The following CDC27 variants were observed in gnomAD, a reference collection of about 807,000 sequenced individuals.
CDC27 encodes cell division cycle 27.
In CDC27, 27 loss-of-function variants were observed where a neutral mutation model predicts 109.7. The ratio of observed to expected loss-of-function variants is 0.25; its 90% confidence interval spans 0.18 to 0.34. The LOEUF is 0.34. CDC27 is among the 10% of genes least tolerant of loss of function. CDC27 has a pLI of 1.00. For missense variants in CDC27, 579 were observed against 960.2 expected (o/e 0.60, Z 5.25); for synonymous variants, 266 against 333.9 (o/e 0.80, Z 2.22).
intron 16 of CDC27, among the ~76,000 whole-genome samples, chr17:47,127,724 A>G (rs2062189389): frequency 6.6e-6 from 1 of 150,464 alleles, no homozygotes; most frequent in Non-Finnish European, 1.5e-5. Context: ...GTTTTTTAAG[A>G]CAGGGTCTAG....
chr17:47,121,865 G>A (rs1046672288), intron 18 of CDC27, among the ~76,000 whole-genome samples: 4 of 151,514 alleles, frequency 2.6e-5, no homozygotes, highest in African/African-American at 9.7e-5. Context: ...TCAGCCTCCC[G>A]AGTAGCTAGG....
intron 3 of CDC27, among the ~76,000 whole-genome samples, chr17:47,171,412 T>A (rs926359836): frequency 1.3e-5 from 2 of 152,206 alleles, no homozygotes; most frequent in African/African-American, 4.8e-5. Context: ...CATTATTCCA[T>A]CTCTTACAGT....
chr17:47,158,923 T>C (rs895801891), intron 4 of CDC27, among the ~76,000 whole-genome samples: 2 of 152,012 alleles, frequency 1.3e-5, no homozygotes, highest in Non-Finnish European at 2.9e-5. Flanking sequence ...CCTGGCCTTT[T>C]TGTATTTTCG....
At chr17:47,144,711 G>A (rs11570511) in intron 9 of CDC27, among the ~76,000 whole-genome samples, 16,461 of 152,166 alleles carry the variant, frequency 0.11, 1,315 homozygotes, top group East Asian at 0.47. Context: ...TAAACTTGTG[G>A]ACTAAACTAT....
rs146307308 is a variant in CDC27 at position 47,124,178 on chromosome 17, A to AATACACAC, written c.2161-219_2161-218insGTGTGTAT. On this transcript the variant is annotated intron_variant, in intron 16 of 18. Coordinates refer to ENST00000066544, the MANE Select transcript of CDC27 (RefSeq NM_001256.6). ...ATGGCAGGCACTCTAGTACACTGAA[A>AATACACAC]ACACACACACACACACACACACACA... Among the ~76,000 whole-genome samples the AATACACAC allele has an allele frequency of 2.8e-5, 4 of 144,392 alleles. No homozygotes were observed. In the East Asian group the frequency reaches 8.1e-4, roughly 29 times the overall value. 94.7% of individuals were successfully genotyped at this position (144,392 alleles called of 152,430 possible). A position where few individuals can be genotyped will look rare whatever the true frequency, so the allele number is the denominator to read the frequency against.
chr17:47,188,311 A>G (rs1026788400), intron 1 of CDC27, among the ~76,000 whole-genome samples: 1 of 152,096 alleles, frequency 6.6e-6, no homozygotes, highest in Non-Finnish European at 1.5e-5. Context: ...GTCAGGGGGG[A>G]AAATGACTTG....
rs2061921664 is a variant in CDC27, at chr17:47,118,497, T to G, written c.*2438A>C. The G allele has an allele frequency of 6.6e-6, 1 of 152,616 alleles. No homozygotes were observed. Among genetic ancestry groups the G allele is most frequent in the Non-Finnish European group, 1.5e-5 (1 of 68,034 alleles). The allele number at this position is 152,616 out of a possible 1,614,324, so 9.5% of individuals were successfully genotyped here. ...AAGTGTGTGCGCGTATATATATATGTATATAGATGTATTAAGTTGGTGCAA... is the reference window on the plus strand; with the variant it reads ...AAGTGTGTGCGCGTATATATATATGGATATAGATGTATTAAGTTGGTGCAA... On this transcript the variant is annotated 3_prime_UTR_variant, in exon 19 of 19. Coordinates refer to ENST00000066544, the MANE Select transcript of CDC27 (RefSeq NM_001256.6).
intron 4 of CDC27, among the ~76,000 whole-genome samples, chr17:47,160,280 T>C (rs1054083393): frequency 6.8e-6 from 1 of 146,234 alleles, no homozygotes; most frequent in Non-Finnish European, 1.5e-5. Context: ...CAGGCTGGAG[T>C]GCAGTGGCAT....
chr17:47,146,906 C>T (rs1028049924), intron 9 of CDC27, among the ~76,000 whole-genome samples: 11 of 151,652 alleles, frequency 7.3e-5, no homozygotes, highest in Middle Eastern at 3.4e-3. Flanking sequence ...CTCTGCAAAA[C>T]TAAAAAAAAA....
At chr17:47,175,205 C>T (rs2063962471) in intron 2 of CDC27, among the ~76,000 whole-genome samples, 1 of 152,120 alleles carries the variant, frequency 6.6e-6, no homozygotes, top group Admixed American at 6.5e-5. Flanking sequence ...GGGGTTTAAC[C>T]TTGCATCCTC....
intron 1 of CDC27, among the ~76,000 whole-genome samples, chr17:47,188,283 G>C (rs371071302): frequency 1.3e-5 from 2 of 152,110 alleles, no homozygotes; most frequent in South Asian, 2.1e-4. Context: ...AGGCACAAAA[G>C]ATACAGTTTC....
In CDC27 at chr17:47,141,965, T is replaced by C. The variant is rs2062807267; in HGVS notation, c.1439A>G (p.Asn480Ser). The C allele has an allele frequency of 1.9e-6, 3 of 1,608,962 alleles. No individual in the cohort carries two copies. Among genetic ancestry groups the C allele is most frequent in the Middle Eastern group, 1.7e-4 (1 of 5,894 alleles). Residue 480 changes from asparagine (N) to serine (S), a missense_variant, in exon 12 of 19, where the codon AAC becomes AGC. Physicochemically the swap from Asn to Ser is conservative, Grantham distance 46 (BLOSUM62 1). Around this residue, in one of 9 missense-constraint regions of CDC27, gnomAD observed 58 missense variants for 116.6 expected, o/e 0.50. Transcript: ENST00000066544. ...CAAAATATTTATAGCTTCTTTGCAGTTGTATGAACACAAAGCTAAATAACC... is the reference window on the plus strand; with the variant it reads ...CAAAATATTTATAGCTTCTTTGCAGCTGTATGAACACAAAGCTAAATAACC... Reference protein sequence around the residue: ...GKGYLALCSYNCKEAINILSH... With the variant: ...GKGYLALCSYSCKEAINILSH...
At chr17:47,145,277 T>C (rs1180732548) in intron 9 of CDC27, among the ~76,000 whole-genome samples, 5 of 151,822 alleles carry the variant, frequency 3.3e-5, no homozygotes, top group East Asian at 1.9e-4. Context: ...GAAAAGAAAA[T>C]GTTGAGAATT....
chr17:47,151,993 C>T, intron 8 of CDC27, 75 bp from the exon 9 acceptor site: 1 of 1,370,138 alleles, frequency 7.3e-7, no homozygotes, highest in Non-Finnish European at 9.7e-7. Flanking sequence ...CACAACGCTC[C>T]CATCTACATT....
At chr17:47,189,100 C>T (rs752416702) in intron 1 of CDC27, 46 bp downstream of exon 1, 2 of 1,603,102 alleles carry the variant, frequency 1.2e-6, no homozygotes, top group South Asian at 2.2e-5. Flanking sequence ...TGCTGCTTCC[C>T]GACCGAGGCT....
rs766117351 is a variant in CDC27, at chr17:47,154,870, AG to A, written c.843-85del. On this transcript the variant is annotated intron_variant, in intron 7 of 18. Coordinates refer to ENST00000066544, the MANE Select transcript of CDC27 (RefSeq NM_001256.6). ...GTATACTTAAATTAGAAGGTCTAAA[AG>A]GAAGAGAATGGCAAATCAGTCTTAG... 75 of 680,830 alleles carry A rather than the reference AG, an allele frequency of 1.1e-4. No homozygotes were observed. In the South Asian group the frequency reaches 1.2e-3, roughly 11 times the overall value. 42.2% of individuals were successfully genotyped at this position (680,830 alleles called of 1,614,324 possible). A position where few individuals can be genotyped will look rare whatever the true frequency, so the allele number is the denominator to read the frequency against.
At chr17:47,184,495 C>T (rs2064355302) in intron 1 of CDC27, among the ~76,000 whole-genome samples, 1 of 152,068 alleles carries the variant, frequency 6.6e-6, no homozygotes, top group African/African-American at 2.4e-5. Context: ...TCAAAAAGTC[C>T]TAGAGCTTTG....
chr17:47,142,458 AC>A, intron 10 of CDC27, 22 bp from the exon 11 acceptor site: 1 of 1,032,024 alleles, frequency 9.7e-7, no homozygotes, highest in Non-Finnish European at 1.5e-6. Context: ...AAGAAATTTC[AC>A]ACCTGTTATA....
chr17:47,176,110 G>A (rs2063996117), intron 2 of CDC27, among the ~76,000 whole-genome samples: 1 of 152,086 alleles, frequency 6.6e-6, no homozygotes, highest in African/African-American at 2.4e-5. Flanking sequence ...AAGGCTGTAT[G>A]TGCTATTATT....
Sources: gnomAD v4.1 joint callset for allele counts (sites outside exome capture counted in the v4.1 genomes callset) on GRCh38, gnomAD v4.1.1 for gene constraint, gnomAD v4.1.1 regional missense constraint, MANE v1.5 for transcripts, NCBI Gene and HGNC (gene_info 2026-07-23, HGNC 2026-07-21) for gene names.